The following XKR7 variants were observed in gnomAD, a reference collection of about 807,000 sequenced individuals.
XKR7 encodes the protein XK-related protein 7.
XKR7 carries 11 observed loss-of-function variants against 42.2 expected under a neutral mutation model. The observed-to-expected ratio is 0.26, with a 90% CI of 0.16 to 0.43. The LOEUF is 0.43. Ranked by LOEUF, XKR7 falls within the 20% of genes least tolerant of loss-of-function variation. XKR7 has a pLI of 1.00. For synonymous variants in XKR7, 346 were observed against 366.4 expected, an observed-to-expected ratio of 0.94 and a Z score of 0.64; for missense variants, 710 against 802.2, an observed-to-expected ratio of 0.89 and a Z score of 1.39.
chr20:31,973,333 T>A (rs1368059065), intron 1 of XKR7, among the ~76,000 whole-genome samples: 2 of 152,220 alleles, frequency 1.3e-5, no homozygotes, highest in African/African-American at 2.4e-5. Flanking sequence ...ACCTGCTGTA[T>A]ACCAGGCACT....
intron 1 of XKR7, among the ~76,000 whole-genome samples, chr20:31,985,685 C>T (rs183746230): frequency 6.9e-6 from 1 of 145,288 alleles, no homozygotes. Flanking sequence ...CAAGTGGACC[C>T]AGCATCCAAG....
At chr20:31,981,184 G>A (rs533303291) in intron 1 of XKR7, among the ~76,000 whole-genome samples, 18 of 150,604 alleles carry the variant, frequency 1.2e-4, no homozygotes, top group South Asian at 4.2e-4. Context: ...CATCAACATG[G>A]TGAAACCCTG....
chr20:31,989,284 C>CCG (rs1555861232), intron 1 of XKR7, among the ~76,000 whole-genome samples: 12,483 of 150,760 alleles, frequency 0.083, 725 homozygotes, highest in Non-Finnish European at 0.12. Context: ...CACCCCCCCC[C>CCG]CAGCGCATCT....
intron 1 of XKR7, among the ~76,000 whole-genome samples, chr20:31,976,995 C>A (rs59124487): frequency 0.21 from 31,210 of 152,172 alleles, 3,381 homozygotes; most frequent in Middle Eastern, 0.29. Flanking sequence ...GTTCTTGCAA[C>A]ATGAAGCCAG....
In XKR7 at chr20:31,968,575, G is replaced by A; in HGVS notation, c.400G>A (p.Ala134Thr). ...GPAVSTKDSV[A>T]GGAAISTKDS... ...CGCCGTCAGCACCAAGGACAGCGTA[G>A]CCGGCGGAGCCGCCATCAGCACCAA... The change falls in exon 1 of 3, where the codon GCC becomes ACC. Residue 134 changes from alanine to threonine, a missense_variant. By Grantham distance (58) the Ala-to-Thr change is moderately conservative (BLOSUM62 0). Coordinates refer to ENST00000562532, the MANE Select transcript of XKR7 (RefSeq NM_001011718.2). This position sits in a 1 kb window ranked among gnomAD's most constrained non-coding sequence, Gnocchi z 4.5. The A allele has an allele frequency of 6.2e-7, 1 of 1,609,250 alleles. No individual in the cohort carries two copies.
intron 1 of XKR7, among the ~76,000 whole-genome samples, chr20:31,991,701 C>A (rs779093719): frequency 2.6e-5 from 4 of 152,262 alleles, no homozygotes; most frequent in Admixed American, 1.3e-4. Context: ...GCCCAGCAAA[C>A]CTCTGGCCAT....
intron 1 of XKR7, among the ~76,000 whole-genome samples, chr20:31,976,771 A>G (rs965431347): frequency 6.6e-6 from 1 of 152,158 alleles, no homozygotes; most frequent in African/African-American, 2.4e-5. Flanking sequence ...CTCCCCAGGC[A>G]CAATTACTCA....
chr20:31,993,566 C>G (rs1420378250), intron 1 of XKR7, among the ~76,000 whole-genome samples: 1 of 152,158 alleles, frequency 6.6e-6, no homozygotes, highest in East Asian at 1.9e-4. Flanking sequence ...GTTCAACAAG[C>G]CTGCAGTCGT....
intron 1 of XKR7, among the ~76,000 whole-genome samples, chr20:31,978,005 T>C (rs2064493342): frequency 6.6e-6 from 1 of 152,242 alleles, no homozygotes; most frequent in Non-Finnish European, 1.5e-5. Flanking sequence ...CCATGATGTT[T>C]AACCACCAGA....
intron 1 of XKR7, among the ~76,000 whole-genome samples, chr20:31,969,105 T>C (rs1226530464): frequency 1.3e-5 from 2 of 152,114 alleles, no homozygotes; most frequent in African/African-American, 4.8e-5. Flanking sequence ...AGGGCCCTAT[T>C]CTGCCATAAC....
chr20:31,972,846 T>C (rs2064470768), intron 1 of XKR7, among the ~76,000 whole-genome samples: 1 of 152,192 alleles, frequency 6.6e-6, no homozygotes. Context: ...ACAGAGAAGT[T>C]CTGGAATGAG....
rs1033177916 is a variant in XKR7 at position 31,968,305 on chromosome 20, G to C, written c.130G>C (p.Gly44Arg). The change falls in exon 1 of 3, where the codon GGG becomes CGG. Residue 44 changes from glycine to arginine, a missense_variant. Around this residue, in one of 2 missense-constraint regions of XKR7, gnomAD observed 708 missense variants for 786.2 expected, o/e 0.90. Transcript: ENST00000562532. The surrounding 1 kb of genome is among the most constrained non-coding windows in gnomAD (Gnocchi z 4.5). The part of the protein sequence containing the change: ...AAAAGPPGVV[G>R]AGGPGPRYEL... ...GGCGGCCGGGCCCCCGGGGGTCGTC[G>C]GGGCGGGCGGCCCGGGGCCGCGCTA... 7.9e-7 allele frequency: 1 copy of C among 1,264,420 alleles called. No individual in the cohort carries two copies. The highest frequency in any genetic ancestry group is 3.5e-5 in the South Asian group (1 of 28,348). The allele number at this position is 1,264,420 out of a possible 1,614,324, so 78.3% of individuals were successfully genotyped here.
In XKR7 at chr20:31,993,139, C is replaced by A. The variant is rs542279719; in HGVS notation, c.585-1929C>A. Among the ~76,000 whole-genome samples the A allele has an allele frequency of 1.8e-3, 276 of 151,284 alleles. 1 individual carries two copies. Among genetic ancestry groups the A allele is most frequent in the Non-Finnish European group, 2.0e-3 (133 of 67,994 alleles). ...ACATACACATACACACACACACCAC[C>A]CCCAGTTTCCTGGGAAAGCCACTTT... On this transcript the variant is annotated intron_variant, in intron 1 of 2. Coordinates refer to ENST00000562532, the MANE Select transcript of XKR7 (RefSeq NM_001011718.2).
chr20:31,968,361 C>T lies in XKR7; in HGVS notation c.186C>T (p.Cys62=). Residue 62 remains cysteine, a synonymous_variant, in exon 1 of 3, where the codon TGC becomes TGT. Coordinates refer to ENST00000562532, the MANE Select transcript of XKR7 (RefSeq NM_001011718.2). The surrounding 1 kb of genome is among the most constrained non-coding windows in gnomAD (Gnocchi z 4.5). The part of the protein sequence containing the change: ...YELRDCCWVL[C]ALLVFFSDGA... The stretch of plus-strand genomic sequence containing the variant: ...TGCGGGACTGCTGCTGGGTGCTGTG[C>T]GCGCTGCTCGTGTTCTTCTCCGACG... 1 of 1,609,606 alleles carries T rather than the reference C, an allele frequency of 6.2e-7. No homozygotes were observed. The highest frequency in any genetic ancestry group is 1.7e-5 in the Admixed American group (1 of 59,890).
In XKR7 at chr20:32,001,551, C is replaced by A. The variant is rs2064625114; in HGVS notation, c.*4094C>A. 1 of 152,234 alleles carries A rather than the reference C, an allele frequency of 6.6e-6. No individual in the cohort carries two copies. 9.4% of individuals were successfully genotyped at this position (152,234 alleles called of 1,614,324 possible). On this transcript the variant is annotated 3_prime_UTR_variant, in exon 3 of 3. Transcript: ENST00000562532. ...TCCCCATCACCTGGCTATCTGAGAA[C>A]TGAGCCCACTGCCCTCTCAGCTGAA...
intron 1 of XKR7, among the ~76,000 whole-genome samples, chr20:31,975,060 G>A (rs2064479317): frequency 2.0e-5 from 3 of 152,110 alleles, no homozygotes. Context: ...GTGGGAGGGC[G>A]GAGGGCTGCC....
Position 31,976,466 on chromosome 20 carries a change from C to A in XKR7, c.584+7707C>A, listed in dbSNP as rs568272369. ...GTGGCTCGATCTCGGCTCACTGCAA[C>A]CTCTGCCTCCCCGGTTCAAGCGATT... is the stretch of plus-strand genomic sequence containing the variant. On this transcript the variant is annotated intron_variant, in intron 1 of 2. Coordinates refer to ENST00000562532, the MANE Select transcript of XKR7 (RefSeq NM_001011718.2). 4.5e-3 allele frequency among the ~76,000 whole-genome samples: 687 copies of A among 152,016 alleles called. 3 individuals carry two copies. Among genetic ancestry groups the A allele is most frequent in the African/African-American group, 0.015 (622 of 41,448 alleles).
intron 1 of XKR7, among the ~76,000 whole-genome samples, chr20:31,987,575 G>T (rs1057465316): frequency 6.7e-6 from 1 of 150,122 alleles, no homozygotes; most frequent in Non-Finnish European, 1.5e-5. Flanking sequence ...CCACAAAGCG[G>T]CCCCAGTATC....
At position 31,997,131 on chromosome 20, in the gene XKR7, C is replaced by T. The variant is rs770474566; in HGVS notation, c.1414C>T (p.Pro472Ser). Reference sequence around the variant, plus strand: ...CCCACCCGCTGACGCCATCACGAGTCCCCCCAGGTCCCTGCCAAGGACTAC... The same window carrying T: ...CCCACCCGCTGACGCCATCACGAGTTCCCCCAGGTCCCTGCCAAGGACTAC... ...CGPPADAITSPPRSLPRTTGA... is the reference protein window; with the variant it reads ...CGPPADAITSSPRSLPRTTGA... Residue 472 changes from proline to serine, a missense_variant, in exon 3 of 3, where the codon CCC becomes TCC. By Grantham distance (74) the Pro-to-Ser change is moderately conservative. Transcript: ENST00000562532. The T allele has an allele frequency of 6.2e-7, 1 of 1,612,202 alleles. No individual in the cohort carries two copies. Among genetic ancestry groups the T allele is most frequent in the East Asian group, 2.2e-5 (1 of 44,866 alleles).
Sources: allele counts gnomAD v4.1 joint callset (sites outside exome capture counted in the v4.1 genomes callset), GRCh38; gene constraint gnomAD v4.1.1; regional missense constraint gnomAD v4.1.1; non-coding constraint Gnocchi (gnomAD v3.1); transcripts MANE v1.5; gene names NCBI Gene and HGNC (gene_info 2026-07-23, HGNC 2026-07-21).